The following NEO1 variants were observed in gnomAD, a reference collection of about 807,000 sequenced individuals.
The protein encoded by NEO1 is neogenin.
Under a neutral mutation model 159.7 loss-of-function variants are expected in NEO1, and 63 were observed. The observed-to-expected ratio is 0.39, with a 90% CI of 0.32 to 0.49. NEO1 has a LOEUF of 0.49. NEO1 is among the 20% of genes least tolerant of loss of function. The pLI, the probability that NEO1 is intolerant of heterozygous loss-of-function variation, is 0.85. For synonymous variants in NEO1, 633 were observed against 662.0 expected, an observed-to-expected ratio of 0.96 and a Z score of 0.67; for missense variants, 1,615 against 1,831.0, an observed-to-expected ratio of 0.88 and a Z score of 2.15.
chr15:73,149,767 G>C (rs569953943), intron 5 of NEO1, among the ~76,000 whole-genome samples: 44 of 152,082 alleles, frequency 2.9e-4, no homozygotes, highest in Admixed American at 2.2e-3. Context: ...TGGGATACAT[G>C]TGATATTTTG....
At chr15:73,188,967 CA>C (rs150542848) in intron 7 of NEO1, among the ~76,000 whole-genome samples, 3,626 of 152,094 alleles carry the variant, frequency 0.024, 54 homozygotes, top group Non-Finnish European at 0.037. Context: ...AGTGTGGTGG[CA>C]CACACCTTTG....
intron 5 of NEO1, among the ~76,000 whole-genome samples, chr15:73,167,639 T>C (rs184762269): frequency 0.014 from 2,070 of 152,346 alleles, 20 homozygotes; most frequent in South Asian, 0.017. Context: ...GATGAATGAA[T>C]GGATGTTAGA....
intron 1 of NEO1, among the ~76,000 whole-genome samples, chr15:73,104,170 AT>A (rs1403900782): frequency 6.6e-6 from 1 of 152,162 alleles, no homozygotes; most frequent in African/African-American, 2.4e-5. Flanking sequence ...CCAAATTATT[AT>A]TTTAAAGAGC....
rs372289991 is a variant in NEO1, at chr15:73,228,553, G to T, written c.1292-7794G>T. Among the ~76,000 whole-genome samples the T allele has an allele frequency of 6.8e-3, 1,010 of 149,382 alleles. 12 individuals are homozygous for T. Among genetic ancestry groups the T allele is most frequent in the African/African-American group, 0.023 (946 of 40,678 alleles). ...TTTACTTAGTTTTGGGTTGTTTTTTGTTGTTGTTGTTGTTTTTGTTTTGTT... is the reference window on the plus strand; with the variant it reads ...TTTACTTAGTTTTGGGTTGTTTTTTTTTGTTGTTGTTGTTTTTGTTTTGTT... On this transcript the variant is annotated intron_variant, in intron 7 of 28. Coordinates refer to ENST00000261908, the MANE Select transcript of NEO1 (RefSeq NM_002499.4).
At chr15:73,159,736 A>G (rs544018495) in intron 5 of NEO1, among the ~76,000 whole-genome samples, 8 of 152,272 alleles carry the variant, frequency 5.3e-5, no homozygotes, top group African/African-American at 1.7e-4. Flanking sequence ...TGTTCAGGGA[A>G]TATCCTTATG....
intron 21 of NEO1, among the ~76,000 whole-genome samples, chr15:73,276,907 T>C (rs999204594): frequency 6.6e-6 from 1 of 152,206 alleles, no homozygotes; most frequent in Non-Finnish European, 1.5e-5. Context: ...GAGAAGATTA[T>C]ACTCTTTCGT....
At chr15:73,080,198 T>C (rs2068969816) in intron 1 of NEO1, among the ~76,000 whole-genome samples, 1 of 152,230 alleles carries the variant, frequency 6.6e-6, no homozygotes. Flanking sequence ...CTTTGCTCTC[T>C]TGTTGCCATT....
chr15:73,165,604 T>C (rs939927346), intron 5 of NEO1, among the ~76,000 whole-genome samples: 1 of 152,172 alleles, frequency 6.6e-6, no homozygotes, highest in Admixed American at 6.5e-5. Flanking sequence ...TGTAGCAATC[T>C]CTTGTGAGAT....
rs191006794 is a variant in NEO1 at position 73,257,009 on chromosome 15, G to C, written c.2093-1757G>C. ...TAGCCAGGTGTGGTGGTGCTCACCT[G>C]TGGTCCCAGCTACTTGGGAGGCTGA... On this transcript the variant is annotated intron_variant, in intron 13 of 28. Transcript: ENST00000261908. Among the ~76,000 whole-genome samples the C allele has an allele frequency of 6.9e-4, 105 of 151,524 alleles. 1 individual carries two copies. Among genetic ancestry groups the C allele is most frequent in the Admixed American group, 1.5e-3 (23 of 15,228 alleles).
chr15:73,100,587 A>G (rs536041081), intron 1 of NEO1, among the ~76,000 whole-genome samples: 10 of 152,054 alleles, frequency 6.6e-5, no homozygotes, highest in Non-Finnish European at 1.5e-4. Flanking sequence ...CACCCACCTC[A>G]GCCTCCTAAA....
intron 1 of NEO1, among the ~76,000 whole-genome samples, chr15:73,079,506 T>G (rs1182404576): frequency 6.6e-6 from 1 of 152,210 alleles, no homozygotes; most frequent in Non-Finnish European, 1.5e-5. Context: ...AATAGGCCAG[T>G]GGGTTTTCTT....
intron 5 of NEO1, among the ~76,000 whole-genome samples, chr15:73,173,328 TATAAC>T (rs2151941671): frequency 6.6e-6 from 1 of 152,328 alleles, no homozygotes; most frequent in Non-Finnish European, 1.5e-5. Context: ...CACCATATAT[TATAAC>T]ATATTGCATA....
intron 1 of NEO1, among the ~76,000 whole-genome samples, chr15:73,089,896 A>G (rs1383805007): frequency 6.6e-6 from 1 of 152,210 alleles, no homozygotes; most frequent in Non-Finnish European, 1.5e-5. Flanking sequence ...TGACTTAAAC[A>G]CTGACCGTTG....
chr15:73,164,706 C>A (rs1481359722), intron 5 of NEO1, among the ~76,000 whole-genome samples: 1 of 152,140 alleles, frequency 6.6e-6, no homozygotes, highest in Non-Finnish European at 1.5e-5. Context: ...CTTGCACATG[C>A]ATACAAAGAT....
chr15:73,178,695 C>G (rs2035421314), intron 7 of NEO1, among the ~76,000 whole-genome samples: 1 of 152,088 alleles, frequency 6.6e-6, no homozygotes, highest in Non-Finnish European at 1.5e-5. Flanking sequence ...AGAATTTAGT[C>G]ATCTTAATCT....
intron 7 of NEO1, among the ~76,000 whole-genome samples, chr15:73,228,664 G>A (rs923777100): frequency 3.3e-5 from 5 of 151,642 alleles, no homozygotes; most frequent in East Asian, 1.9e-4. Context: ...TGTCTTGTGC[G>A]TTTGATGTAA....
At chr15:73,193,598 C>T (rs987549149) in intron 7 of NEO1, among the ~76,000 whole-genome samples, 2 of 147,808 alleles carry the variant, frequency 1.4e-5, no homozygotes, top group African/African-American at 5.0e-5. Context: ...GATGACCATA[C>T]ATCTAGTGTG....
At chr15:73,282,126 T>A (rs2041748164) in intron 22 of NEO1, among the ~76,000 whole-genome samples, 1 of 152,194 alleles carries the variant, frequency 6.6e-6, no homozygotes, top group Admixed American at 6.5e-5. Context: ...GTCCTTTCCC[T>A]TGTATGATGG....
chr15:73,093,363 G>A (rs1186705838), intron 1 of NEO1, among the ~76,000 whole-genome samples: 1 of 152,098 alleles, frequency 6.6e-6, no homozygotes, highest in Non-Finnish European at 1.5e-5. Flanking sequence ...TCAGGAGTGG[G>A]GAATTATGTT....
Sources: gnomAD v4.1 joint callset for allele counts (sites outside exome capture counted in the v4.1 genomes callset) on GRCh38, gnomAD v4.1.1 for gene constraint, MANE v1.5 for transcripts, NCBI Gene and HGNC (gene_info 2026-07-23, HGNC 2026-07-21) for gene names.